The following PHF14 variants were observed in gnomAD, a reference collection of about 807,000 sequenced individuals.
The protein encoded by PHF14 is PHD finger protein 14.
A neutral mutation model predicts 117.9 loss-of-function variants in PHF14; 55 were observed. The ratio of observed to expected loss-of-function variants is 0.47; its 90% confidence interval spans 0.38 to 0.58. PHF14 has a LOEUF of 0.58. PHF14 is among the 20% of genes least tolerant of loss of function. PHF14 has a pLI of 0.00. For missense variants in PHF14, 978 were observed against 1,122.2 expected, an observed-to-expected ratio of 0.87 and a Z score of 1.84; for synonymous variants, 409 against 368.6, an observed-to-expected ratio of 1.11 and a Z score of -1.26.
At chr7:11,140,806 G>T (rs1788377818) in intron 17 of PHF14, among the ~76,000 whole-genome samples, 1 of 152,002 alleles carries the variant, frequency 6.6e-6, no homozygotes, top group African/African-American at 2.4e-5. Context: ...TGCAAATGCT[G>T]GCATTATCTG....
At chr7:11,090,732 A>G (rs1298831527) in intron 16 of PHF14, among the ~76,000 whole-genome samples, 1 of 152,214 alleles carries the variant, frequency 6.6e-6, no homozygotes, top group Non-Finnish European at 1.5e-5. Context: ...AGATACTGAA[A>G]GGCATTCACT....
At chr7:11,020,564 C>T (rs1040064307) in intron 5 of PHF14, among the ~76,000 whole-genome samples, 7 of 151,654 alleles carry the variant, frequency 4.6e-5, no homozygotes, top group Admixed American at 6.6e-5. Flanking sequence ...TTTTTTGTAG[C>T]GATGGGGTTT....
chr7:11,069,180 T>C (rs912412365), intron 16 of PHF14, among the ~76,000 whole-genome samples: 16 of 151,588 alleles, frequency 1.1e-4, no homozygotes, highest in Non-Finnish European at 2.4e-4. Flanking sequence ...TGGGCAAGAG[T>C]CAGGAAGATA....
chr7:10,977,665 G>A (rs1489239888), intron 2 of PHF14, among the ~76,000 whole-genome samples: 5 of 152,052 alleles, frequency 3.3e-5, no homozygotes, highest in African/African-American at 1.2e-4. Context: ...ATTTTTGATT[G>A]AAAGCAGTCA....
At position 10,974,111 on chromosome 7, in the gene PHF14, C is replaced by T; in HGVS notation, c.-213C>T. Reference sequence around the variant, plus strand: ...CCAGGGAGCGCTGTGGGAAGGGGCTCGAGCGGCCAGGGCCAGGCGAGGCCG... The same window carrying T: ...CCAGGGAGCGCTGTGGGAAGGGGCTTGAGCGGCCAGGGCCAGGCGAGGCCG... On this transcript the variant is annotated 5_prime_UTR_variant, in exon 1 of 18. Transcript: ENST00000634607. 2 of 548,356 alleles carry T rather than the reference C, an allele frequency of 3.6e-6. No individual in the cohort carries two copies. The highest frequency in any genetic ancestry group is 6.5e-6 in the Non-Finnish European group (2 of 305,354). The allele number at this position is 548,356 out of a possible 1,614,324, so 34.0% of individuals were successfully genotyped here.
At chr7:11,096,995 T>TTC (rs1786897464) in intron 16 of PHF14, among the ~76,000 whole-genome samples, 1 of 151,046 alleles carries the variant, frequency 6.6e-6, no homozygotes, top group Non-Finnish European at 1.5e-5. Context: ...TTTTTTTTTT[T>TTC]TGAGACGGAG....
intron 6 of PHF14, among the ~76,000 whole-genome samples, chr7:11,023,364 A>T (rs1241084248): frequency 6.6e-6 from 1 of 152,210 alleles, no homozygotes; most frequent in Non-Finnish European, 1.5e-5. Flanking sequence ...GTGATCTTTG[A>T]TGCTGTTACT....
chr7:11,081,835 G>A (rs1273041964), intron 16 of PHF14, among the ~76,000 whole-genome samples: 9 of 149,572 alleles, frequency 6.0e-5, no homozygotes, highest in African/African-American at 1.2e-4. Context: ...CAGCCTGGGC[G>A]ACAGAATGAG....
At chr7:11,159,064 A>G (rs1162544536) in intron 17 of PHF14, among the ~76,000 whole-genome samples, 1 of 152,110 alleles carries the variant, frequency 6.6e-6, no homozygotes, top group East Asian at 1.9e-4. Context: ...AAATCAGGCT[A>G]TTTTATATCT....
chr7:11,042,184 C>T (rs557618396), intron 12 of PHF14, among the ~76,000 whole-genome samples: 19 of 152,000 alleles, frequency 1.3e-4, no homozygotes, highest in East Asian at 9.6e-4. Context: ...AAAAGAGACT[C>T]ATGTATACTT....
At chr7:11,089,383 C>T (rs181292863) in intron 16 of PHF14, among the ~76,000 whole-genome samples, 27 of 152,124 alleles carry the variant, frequency 1.8e-4, no homozygotes, top group Middle Eastern at 3.4e-3. Context: ...TTGAACACAC[C>T]GTGGTTTCTC....
Position 10,974,330 on chromosome 7 carries a change from T to A in PHF14, c.1+6T>A, listed in dbSNP as rs1192186048. 1 of 1,590,566 alleles carries A rather than the reference T, an allele frequency of 6.3e-7. No individual in the cohort carries two copies. The highest frequency in any genetic ancestry group is 8.6e-7 in the Non-Finnish European group (1 of 1,167,752). On this transcript the variant is annotated splice_donor_region_variant and intron_variant, in intron 1 of 17. Coordinates refer to ENST00000634607, the MANE Select transcript of PHF14 (RefSeq NM_001007157.2). ...ACCACCTCACGGATTCCTTAGTAAG[T>A]GTATCCGAGGCCTCTGCGGCGAGAG...
intron 11 of PHF14, among the ~76,000 whole-genome samples, chr7:11,040,387 C>T (rs561958665): frequency 2.0e-5 from 3 of 151,846 alleles, no homozygotes; most frequent in Admixed American, 6.6e-5. Flanking sequence ...TTTTTTAAAC[C>T]TCCTACGTAT....
chr7:11,053,973 C>T (rs999318306), intron 14 of PHF14, among the ~76,000 whole-genome samples: 25 of 151,278 alleles, frequency 1.7e-4, no homozygotes, highest in African/African-American at 5.8e-4. Flanking sequence ...TCAGGAAATG[C>T]AGTGTGATTA....
chr7:11,012,569 C>T (rs991559511), intron 4 of PHF14, among the ~76,000 whole-genome samples: 2 of 152,154 alleles, frequency 1.3e-5, no homozygotes, highest in Admixed American at 1.3e-4. Flanking sequence ...GGCAACTTTG[C>T]TTTTGATAAT....
intron 16 of PHF14, among the ~76,000 whole-genome samples, chr7:11,075,927 C>T (rs1177669448): frequency 1.3e-5 from 2 of 151,798 alleles, no homozygotes; most frequent in African/African-American, 4.8e-5. Context: ...GTCAGGAGAT[C>T]GAGAGCATCC....
At chr7:11,145,876 T>C (rs1788536774) in intron 17 of PHF14, among the ~76,000 whole-genome samples, 1 of 152,122 alleles carries the variant, frequency 6.6e-6, no homozygotes, top group African/African-American at 2.4e-5. Context: ...GTTATACTTG[T>C]TGGATTAGCA....
At chr7:11,146,061 A>G (rs1033688506) in intron 17 of PHF14, among the ~76,000 whole-genome samples, 12 of 152,100 alleles carry the variant, frequency 7.9e-5, no homozygotes, top group Non-Finnish European at 1.8e-4. Context: ...AAGACATTCT[A>G]TTTTTTGACA....
chr7:11,131,032 A>G (rs1289291028), intron 17 of PHF14, among the ~76,000 whole-genome samples: 2 of 151,470 alleles, frequency 1.3e-5, no homozygotes, highest in Admixed American at 6.6e-5. Context: ...TATTGTATGG[A>G]TATGCTCCTA....
Sources: gnomAD v4.1 joint callset for allele counts (sites outside exome capture counted in the v4.1 genomes callset) on GRCh38, gnomAD v4.1.1 for gene constraint, MANE v1.5 for transcripts, NCBI Gene and HGNC (gene_info 2026-07-23, HGNC 2026-07-21) for gene names.